Variants in LRRC8C observed in about 807,000 individuals in gnomAD.
LRRC8C encodes the protein leucine rich repeat containing 8 VRAC subunit C, also known as volume-regulated anion channel subunit LRRC8C.
Under a neutral mutation model 55.3 loss-of-function variants are expected in LRRC8C, and 20 were observed. The ratio of observed to expected loss-of-function variants is 0.36; its 90% confidence interval spans 0.25 to 0.53. The LOEUF (loss-of-function observed/expected upper bound fraction) is 0.53. LRRC8C is among the 20% of genes least tolerant of loss of function. The pLI is 0.92. For missense variants in LRRC8C, 659 were observed against 951.4 expected (o/e 0.69, Z 4.04); for synonymous variants, 376 against 360.7 (o/e 1.04, Z -0.48).
At chr1:89,686,014 A>G (rs1657870572) in intron 1 of LRRC8C, among the ~76,000 whole-genome samples, 1 of 152,114 alleles carries the variant, frequency 6.6e-6, no homozygotes, top group African/African-American at 2.4e-5. Context: ...GAATTAGCAC[A>G]AAAGAATGCT....
chr1:89,659,789 A>G (rs1294167431), intron 1 of LRRC8C, among the ~76,000 whole-genome samples: 1 of 152,196 alleles, frequency 6.6e-6, no homozygotes, highest in Non-Finnish European at 1.5e-5. Context: ...ATTGCTGTAC[A>G]TGTGGACTAG....
intron 2 of LRRC8C, among the ~76,000 whole-genome samples, chr1:89,696,566 A>G (rs1360987490): frequency 1.3e-5 from 2 of 152,272 alleles, no homozygotes; most frequent in East Asian, 1.9e-4. Flanking sequence ...CATCTGAACA[A>G]TCCTCTTCAG....
intron 2 of LRRC8C, among the ~76,000 whole-genome samples, chr1:89,695,402 T>G (rs1658147616): frequency 6.6e-6 from 1 of 152,230 alleles, no homozygotes; most frequent in Admixed American, 6.5e-5. Context: ...TGAGATTCTT[T>G]GCACTGATAT....
chr1:89,648,844 T>C (rs1656685165), intron 1 of LRRC8C, among the ~76,000 whole-genome samples: 1 of 152,192 alleles, frequency 6.6e-6, no homozygotes, highest in African/African-American at 2.4e-5. Flanking sequence ...AAAATACGTG[T>C]TTTTTGTGAC....
At position 89,718,481 on chromosome 1, in the gene LRRC8C, T is replaced by C. The variant is rs1353736499; in HGVS notation, c.*3499T>C. 6.6e-6 allele frequency: 1 copy of C among 152,200 alleles called. No homozygotes were observed. Among genetic ancestry groups the C allele is most frequent in the Non-Finnish European group, 1.5e-5 (1 of 68,018 alleles). The allele number at this position is 152,200 out of a possible 1,614,324, so 9.4% of individuals were successfully genotyped here. A position where few individuals can be genotyped will look rare whatever the true frequency, so the allele number is the denominator to read the frequency against. On this transcript the variant is annotated 3_prime_UTR_variant, in exon 3 of 3. Coordinates refer to ENST00000370454, the MANE Select transcript of LRRC8C (RefSeq NM_032270.5). ...AGAAAAAACAAAATCTTTATATCTC[T>C]TATTAACACTTCCCCCAAGAAGGGT...
intron 2 of LRRC8C, among the ~76,000 whole-genome samples, chr1:89,692,804 A>G (rs559546936): frequency 6.6e-6 from 1 of 152,352 alleles, no homozygotes; most frequent in South Asian, 2.1e-4. Context: ...AAACAACACT[A>G]TTCAAAAACT....
chr1:89,669,244 C>T (rs1657352007), intron 1 of LRRC8C, among the ~76,000 whole-genome samples: 2 of 151,120 alleles, frequency 1.3e-5, no homozygotes, highest in Non-Finnish European at 2.9e-5. Flanking sequence ...TTAATAAAAT[C>T]AAAGAGAACA....
intron 2 of LRRC8C, among the ~76,000 whole-genome samples, chr1:89,703,016 G>A (rs993516070): frequency 6.6e-6 from 1 of 152,154 alleles, no homozygotes; most frequent in Non-Finnish European, 1.5e-5. Flanking sequence ...TCTCAGAGGA[G>A]TTGTAGAAGA....
intron 1 of LRRC8C, among the ~76,000 whole-genome samples, chr1:89,657,006 G>T (rs1027275502): frequency 5.9e-5 from 9 of 152,190 alleles, no homozygotes; most frequent in Non-Finnish European, 1.2e-4. Flanking sequence ...AGTAGCCATA[G>T]AGCTAGATTT....
chr1:89,638,598 A>G (rs1306334704), intron 1 of LRRC8C, among the ~76,000 whole-genome samples: 1 of 148,190 alleles, frequency 6.7e-6, no homozygotes, highest in African/African-American at 2.5e-5. Flanking sequence ...TTTTGTATGA[A>G]TATATACAAT....
At chr1:89,690,525 G>A (rs1228480950) in intron 2 of LRRC8C, among the ~76,000 whole-genome samples, 2 of 152,082 alleles carry the variant, frequency 1.3e-5, no homozygotes, top group African/African-American at 4.8e-5. Context: ...TGTTTCTCTT[G>A]TTTACACATT....
intron 1 of LRRC8C, among the ~76,000 whole-genome samples, chr1:89,677,464 AG>A (rs1372824996): frequency 1.3e-5 from 2 of 152,248 alleles, no homozygotes; most frequent in Non-Finnish European, 2.9e-5. Context: ...AAACATGAAA[AG>A]AGAAATTTGA....
At chr1:89,692,290 A>C (rs1658048054) in intron 2 of LRRC8C, among the ~76,000 whole-genome samples, 1 of 152,246 alleles carries the variant, frequency 6.6e-6, no homozygotes, top group Non-Finnish European at 1.5e-5. Flanking sequence ...CTATATTGGA[A>C]TACATGACAA....
At chr1:89,646,864 G>A (rs990948475) in intron 1 of LRRC8C, among the ~76,000 whole-genome samples, 2 of 152,024 alleles carry the variant, frequency 1.3e-5, no homozygotes, top group African/African-American at 4.8e-5. Context: ...AATCTACAAA[G>A]CAACAACGAA....
chr1:89,684,788 A>G (rs994682940), intron 1 of LRRC8C, among the ~76,000 whole-genome samples: 1 of 152,246 alleles, frequency 6.6e-6, no homozygotes, highest in Non-Finnish European at 1.5e-5. Context: ...CATAGGCAGA[A>G]CATGTAGATT....
chr1:89,633,902 C>G (rs1388742641), intron 1 of LRRC8C, among the ~76,000 whole-genome samples: 1 of 152,174 alleles, frequency 6.6e-6, no homozygotes, highest in Non-Finnish European at 1.5e-5. Context: ...GGTGTTTAGG[C>G]CAGCGGTTGA....
At chr1:89,650,920 G>A (rs555334655) in intron 1 of LRRC8C, among the ~76,000 whole-genome samples, 22 of 152,278 alleles carry the variant, frequency 1.4e-4, no homozygotes, top group African/African-American at 5.1e-4. Context: ...TCTCAACTTA[G>A]ATGGCAAGTC....
At chr1:89,700,010 T>C (rs548982581) in intron 2 of LRRC8C, among the ~76,000 whole-genome samples, 2 of 152,370 alleles carry the variant, frequency 1.3e-5, no homozygotes, top group South Asian at 4.1e-4. Context: ...CTTTGTCCTC[T>C]AGCATCTTGT....
At chr1:89,638,585 A>C (rs1447459465) in intron 1 of LRRC8C, among the ~76,000 whole-genome samples, 4 of 151,700 alleles carry the variant, frequency 2.6e-5, no homozygotes, top group Non-Finnish European at 4.4e-5. Flanking sequence ...CATATCTATA[A>C]ATTTTTGTAT....
Sources: allele counts gnomAD v4.1 joint callset (sites outside exome capture counted in the v4.1 genomes callset), GRCh38; gene constraint gnomAD v4.1.1; transcripts MANE v1.5; gene names NCBI Gene and HGNC (gene_info 2026-07-23, HGNC 2026-07-21).